The following MEIS1 variants were observed in gnomAD, a reference collection of about 807,000 sequenced individuals.
The protein encoded by MEIS1 is homeobox protein Meis1.
A neutral mutation model predicts 50.8 loss-of-function variants in MEIS1; 5 were observed. The observed-to-expected ratio is 0.10, with a 90% CI of 0.05 to 0.21. The LOEUF is 0.21. Among genes scored for constraint, MEIS1 ranks in the 10% least tolerant of loss-of-function variants. The pLI, the probability that MEIS1 is intolerant of heterozygous loss-of-function variation, is 1.00. For missense variants in MEIS1, 318 were observed against 517.3 expected, an observed-to-expected ratio of 0.61 and a Z score of 3.74; for synonymous variants, 176 against 179.3, an observed-to-expected ratio of 0.98 and a Z score of 0.15.
chr2:66,435,972 A>G, intron 1 of MEIS1, 104 bp downstream of exon 1: 1 of 1,024,254 alleles, frequency 9.8e-7, no homozygotes, highest in Non-Finnish European at 1.4e-6. Context: ...TCTCTTTTAA[A>G]AAATGAGGCT....
At chr2:66,459,941 A>C (rs1011585229) in intron 6 of MEIS1, among the ~76,000 whole-genome samples, 1 of 152,198 alleles carries the variant, frequency 6.6e-6, no homozygotes, top group African/African-American at 2.4e-5. Flanking sequence ...AGAAATTCAG[A>C]CACACACGTC....
chr2:66,527,635 TG>T (rs1674287176), intron 8 of MEIS1, among the ~76,000 whole-genome samples: 2 of 146,988 alleles, frequency 1.4e-5, no homozygotes, highest in Non-Finnish European at 3.0e-5. Flanking sequence ...TGTGTGTGTG[TG>T]TGTGTTGGGG....
rs188393486 is a variant in MEIS1 at position 66,515,450 on chromosome 2, A to G, written c.888+3156A>G. On this transcript the variant is annotated intron_variant, in intron 8 of 12. Coordinates refer to ENST00000272369, the MANE Select transcript of MEIS1 (RefSeq NM_002398.3). ...CTTTCTGAATTTGTACCCCAGCTAC[A>G]TGAGAAGAAAAATGTGGCAGTCTGT... Among the ~76,000 whole-genome samples the G allele has an allele frequency of 1.1e-3, 173 of 152,312 alleles. 3 individuals are homozygous for G. The highest frequency in any genetic ancestry group is 4.0e-3 in the African/African-American group (168 of 41,568).
chr2:66,507,089 A>T (rs1323429655), intron 7 of MEIS1, among the ~76,000 whole-genome samples: 3 of 152,184 alleles, frequency 2.0e-5, no homozygotes, highest in Admixed American at 6.5e-5. Context: ...TGACAATAAG[A>T]TCATGCAACA....
intron 8 of MEIS1, among the ~76,000 whole-genome samples, chr2:66,516,423 AC>A (rs1267692265): frequency 6.6e-6 from 1 of 152,168 alleles, no homozygotes; most frequent in East Asian, 1.9e-4. Context: ...CCATCCATTC[AC>A]CATCCTGAGG....
chr2:66,450,993 C>T (rs1481616444), intron 6 of MEIS1, among the ~76,000 whole-genome samples: 3 of 152,022 alleles, frequency 2.0e-5, no homozygotes, highest in Non-Finnish European at 4.4e-5. Flanking sequence ...GTCTCATTTT[C>T]CTATTGTAGT....
intron 7 of MEIS1, among the ~76,000 whole-genome samples, chr2:66,497,324 G>A (rs1673430704): frequency 6.6e-6 from 1 of 152,080 alleles, no homozygotes; most frequent in Admixed American, 6.6e-5. Context: ...GTGCATTAGG[G>A]ACATTCAAAG....
intron 12 of MEIS1, 191 bp downstream of exon 12, chr2:66,569,336 T>C: frequency 2.0e-6 from 1 of 501,736 alleles, no homozygotes; most frequent in Admixed American, 3.3e-5. Context: ...GTGTATGATG[T>C]ACATTTATCC....
At chr2:66,474,660 G>A (rs556058242) in intron 7 of MEIS1, among the ~76,000 whole-genome samples, 1 of 152,220 alleles carries the variant, frequency 6.6e-6, no homozygotes, top group East Asian at 1.9e-4. Flanking sequence ...CAAGTGTCTG[G>A]CTTTGTGGAT....
intron 8 of MEIS1, among the ~76,000 whole-genome samples, chr2:66,535,347 A>G (rs1013309857): frequency 2.0e-5 from 3 of 152,160 alleles, no homozygotes; most frequent in Non-Finnish European, 2.9e-5. Flanking sequence ...AAAGCTATAT[A>G]CAAATATAAG....
At chr2:66,557,288 A>G (rs150156467) in intron 9 of MEIS1, among the ~76,000 whole-genome samples, 6 of 152,296 alleles carry the variant, frequency 3.9e-5, no homozygotes, top group African/African-American at 1.4e-4. Flanking sequence ...TTGAGATATA[A>G]TTCATAAACC....
At chr2:66,491,705 T>C (rs1477817424) in intron 7 of MEIS1, among the ~76,000 whole-genome samples, 2 of 151,974 alleles carry the variant, frequency 1.3e-5, no homozygotes, top group African/African-American at 2.4e-5. Flanking sequence ...AACACATGGG[T>C]GGGGGTTAGC....
intron 6 of MEIS1, among the ~76,000 whole-genome samples, chr2:66,460,999 A>G (rs906091413): frequency 6.6e-6 from 1 of 152,186 alleles, no homozygotes; most frequent in South Asian, 2.1e-4. Flanking sequence ...TGGATTTCCA[A>G]TAAATGAGAA....
intron 6 of MEIS1, among the ~76,000 whole-genome samples, chr2:66,453,934 G>A (rs1422252583): frequency 6.6e-6 from 1 of 151,866 alleles, no homozygotes; most frequent in Non-Finnish European, 1.5e-5. Context: ...TAAGTGTATT[G>A]CTTGTCATTT....
intron 8 of MEIS1, among the ~76,000 whole-genome samples, chr2:66,518,984 A>T (rs996574835): frequency 6.6e-6 from 1 of 152,228 alleles, no homozygotes; most frequent in African/African-American, 2.4e-5. Context: ...CATCCACATC[A>T]TATCTGTCTC....
rs902176876 is a variant in MEIS1, at chr2:66,528,958, C to A, written c.888+16664C>A. On this transcript the variant is annotated intron_variant, in intron 8 of 12. Coordinates refer to ENST00000272369, the MANE Select transcript of MEIS1 (RefSeq NM_002398.3). ...GCAGCCAAGCTGAGGGCTTACAGCT[C>A]CCCATCAGTGCTGCACAGTCTTGTC... 3.9e-5 allele frequency among the ~76,000 whole-genome samples: 6 copies of A among 152,130 alleles called. No individual in the cohort carries two copies. In the East Asian group the frequency reaches 1.2e-3, roughly 29 times the overall value.
At chr2:66,448,049 A>G (rs567047193) in intron 6 of MEIS1, among the ~76,000 whole-genome samples, 1 of 152,268 alleles carries the variant, frequency 6.6e-6, no homozygotes, top group South Asian at 2.1e-4. Context: ...TGAAATATAT[A>G]GAGTAGTTGT....
intron 7 of MEIS1, among the ~76,000 whole-genome samples, chr2:66,481,000 A>T (rs1202502701): frequency 2.1e-5 from 3 of 144,280 alleles, no homozygotes; most frequent in African/African-American, 5.2e-5. Context: ...AATCTCTGTT[A>T]AAAAAAAAAA....
At chr2:66,497,170 C>T (rs1673426450) in intron 7 of MEIS1, among the ~76,000 whole-genome samples, 1 of 152,176 alleles carries the variant, frequency 6.6e-6, no homozygotes, top group South Asian at 2.1e-4. Context: ...TAAAGAAATG[C>T]ACCTTGATCA....
Sources: allele counts gnomAD v4.1 joint callset (sites outside exome capture counted in the v4.1 genomes callset), GRCh38; gene constraint gnomAD v4.1.1; transcripts MANE v1.5; gene names NCBI Gene and HGNC (gene_info 2026-07-23, HGNC 2026-07-21).